Variants in EPS15L1 observed in about 807,000 individuals in gnomAD.
EPS15L1 encodes the protein epidermal growth factor receptor pathway substrate 15 like 1, also known as epidermal growth factor receptor substrate 15-like 1.
A neutral mutation model predicts 117.1 loss-of-function variants in EPS15L1; 43 were observed. That is an observed-to-expected ratio of 0.37 (90% CI 0.29 to 0.47). EPS15L1 has a LOEUF of 0.47. Among genes scored for constraint, EPS15L1 ranks in the 20% least tolerant of loss-of-function variants. EPS15L1 has a pLI of 0.99. For missense variants in EPS15L1, 981 were observed against 1,164.0 expected (o/e 0.84, Z 2.29); for synonymous variants, 459 against 470.5 (o/e 0.98, Z 0.32).
rs1323175200 is a variant in EPS15L1, at chr19:16,471,579, C to A, written c.33+334G>T. Among the ~76,000 whole-genome samples the A allele has an allele frequency of 6.6e-6, 1 of 152,212 alleles. No individual in the cohort carries two copies. The highest frequency in any genetic ancestry group is 1.9e-4 in the East Asian group (1 of 5,192). On this transcript the variant is annotated intron_variant, in intron 1 of 23. Coordinates refer to ENST00000455140, the MANE Select transcript of EPS15L1 (RefSeq NM_001258374.3). This position sits in a 1 kb window ranked among gnomAD's most constrained non-coding sequence, Gnocchi z 4.8. ...CGCCGCGCCGACAGAAACGCTCGCA[C>A]CCCTCGCCCACCCCTCCGGGATGCA...
chr19:16,445,588 A>C (rs934166460), intron 1 of EPS15L1, among the ~76,000 whole-genome samples: 3 of 152,132 alleles, frequency 2.0e-5, no homozygotes, highest in African/African-American at 7.2e-5. Context: ...AACTGAAGAC[A>C]CATGTTGCTA....
chr19:16,378,386 T>C (rs1339517401), intron 21 of EPS15L1, among the ~76,000 whole-genome samples: 2 of 152,024 alleles, frequency 1.3e-5, no homozygotes, highest in Admixed American at 6.5e-5. Flanking sequence ...AGCCTCCTGT[T>C]TCCAAGTCCT....
chr19:16,471,964 T>C lies in EPS15L1; in HGVS notation c.-19A>G, dbSNP rs1375695100. 1.6e-6 allele frequency: 2 copies of C among 1,281,084 alleles called. No individual in the cohort carries two copies. The highest frequency in any genetic ancestry group is 2.0e-6 in the Non-Finnish European group (2 of 1,015,406). 79.4% of individuals were successfully genotyped at this position (1,281,084 alleles called of 1,614,324 possible). On this transcript the variant is annotated 5_prime_UTR_variant, in exon 1 of 24. Coordinates refer to ENST00000455140, the MANE Select transcript of EPS15L1 (RefSeq NM_001258374.3). This position sits in a 1 kb window ranked among gnomAD's most constrained non-coding sequence, Gnocchi z 4.8. ...CCGCCATCTTCCCGCGGACTCGGGC[T>C]CCGAGCGCCGGGGGAACGGGGGCGG... is the stretch of plus-strand genomic sequence containing the variant.
rs2092483729 is a variant in EPS15L1, at chr19:16,392,222, G to C, written c.2103+82C>G. 9 of 1,531,378 alleles carry C rather than the reference G, an allele frequency of 5.9e-6. No individual in the cohort carries two copies. The East Asian group carries it at 2.0e-4, about 35-fold the overall frequency. 94.9% of individuals were successfully genotyped at this position (1,531,378 alleles called of 1,614,324 possible). ...CAGGCACCATGTACGCTCCACGAAG[G>C]GAAGGGGGCCTTCGGGAAGCGCCAC... On this transcript the variant is annotated intron_variant, in intron 19 of 23. Coordinates refer to ENST00000455140, the MANE Select transcript of EPS15L1 (RefSeq NM_001258374.3).
chr19:16,386,936 G>A (rs2092426035), intron 19 of EPS15L1, among the ~76,000 whole-genome samples: 1 of 152,180 alleles, frequency 6.6e-6, no homozygotes, highest in East Asian at 1.9e-4. Context: ...TACACAGAAC[G>A]CTCACCATGT....
chr19:16,413,039 G>A, intron 13 of EPS15L1: 1 of 735,292 alleles, frequency 1.4e-6, no homozygotes, highest in Non-Finnish European at 2.4e-6. Flanking sequence ...TGCAGAAACA[G>A]ACCCGCGCCG....
Position 16,425,257 on chromosome 19 carries a change from CG to C in EPS15L1, c.617del (p.Pro206ArgfsTer62). The C allele has an allele frequency of 1.9e-6, 1 of 537,074 alleles. No individual in the cohort carries two copies. The highest frequency in any genetic ancestry group is 3.4e-6 in the Non-Finnish European group (1 of 297,324). 33.3% of individuals were successfully genotyped at this position (537,074 alleles called of 1,614,324 possible). A position where few individuals can be genotyped will look rare whatever the true frequency, so the allele number is the denominator to read the frequency against. On this transcript the variant is annotated frameshift_variant, in exon 9 of 24. Coordinates refer to ENST00000455140, the MANE Select transcript of EPS15L1 (RefSeq NM_001258374.3). LOFTEE classifies it high-confidence loss of function. ...EKEPVPSALP[P>X]SLIPPSKRKK... ...TTCTCTTGGAGGGTGGGATGAGGGACGGGGGCAGGGCGGAGGGCACGGGCTC... is the reference window on the plus strand; with the variant it reads ...TTCTCTTGGAGGGTGGGATGAGGGACGGGGCAGGGCGGAGGGCACGGGCTC...
At chr19:16,437,974 G>T (rs935588478) in intron 4 of EPS15L1, 109 bp from the exon 5 acceptor site, 3 of 814,616 alleles carry the variant, frequency 3.7e-6, no homozygotes, top group African/African-American at 1.7e-5. Flanking sequence ...CTTCAACAAT[G>T]AAGGCCGTCC....
At chr19:16,407,079 T>C (rs1490735199) in intron 13 of EPS15L1, among the ~76,000 whole-genome samples, 1 of 152,210 alleles carries the variant, frequency 6.6e-6, no homozygotes, top group Non-Finnish European at 1.5e-5. Context: ...CCTCCTGAAC[T>C]GTGAGCAGTA....
chr19:16,392,224 A>G, intron 19 of EPS15L1, 80 bp downstream of exon 19: 1 of 1,532,768 alleles, frequency 6.5e-7, no homozygotes, highest in Non-Finnish European at 9.0e-7. Flanking sequence ...CCACGAAGGG[A>G]AGGGGGCCTT....
rs760681240 is a variant in EPS15L1 at position 16,428,669 on chromosome 19, T to C, written c.558+33A>G. 1.1e-5 allele frequency: 17 copies of C among 1,592,062 alleles called. No individual in the cohort carries two copies. In the African/African-American group the frequency reaches 1.3e-4, roughly 13 times the overall value. ...CCCTGCGCACTGCACATTTCCTTCC[T>C]GGGCTGGGTGGGGAGGAAACAGCAG... On this transcript the variant is annotated intron_variant, in intron 8 of 23. Transcript: ENST00000455140.
rs541226646 is a variant in EPS15L1 at position 16,464,591 on chromosome 19, T to C, written c.33+7322A>G. On this transcript the variant is annotated intron_variant, in intron 1 of 23. Transcript: ENST00000455140. ...AGCCGCATGTTTTGGCCCTTTGACC[T>C]AGACCTGCAGCCTCTCAGCTCTGGC... 3.3e-5 allele frequency among the ~76,000 whole-genome samples: 5 copies of C among 152,332 alleles called. No homozygotes were observed. The East Asian group carries it at 9.6e-4, about 29-fold the overall frequency.
At chr19:16,367,497 TAA>T (rs71178691) in intron 22 of EPS15L1, among the ~76,000 whole-genome samples, 2 of 65,310 alleles carry the variant, frequency 3.1e-5, no homozygotes, top group East Asian at 5.1e-4. Context: ...TATGTGCTGT[TAA>T]AAAAAAAAAA....
At chr19:16,375,134 T>C (rs1159658993) in intron 22 of EPS15L1, among the ~76,000 whole-genome samples, 1 of 152,194 alleles carries the variant, frequency 6.6e-6, no homozygotes, top group East Asian at 1.9e-4. Context: ...TGTCCACAGA[T>C]GCATATAAGC....
Position 16,460,907 on chromosome 19 carries a change from G to A in EPS15L1, c.33+11006C>T, listed in dbSNP as rs150548268. On this transcript the variant is annotated intron_variant, in intron 1 of 23. Coordinates refer to ENST00000455140, the MANE Select transcript of EPS15L1 (RefSeq NM_001258374.3). ...CTCAGTGTGAGGGCCTCATCATCAA[G>A]TTTTTTCGTGTTTCATCTTTCCCCT... Among the ~76,000 whole-genome samples, 324 of 152,304 alleles carry A rather than the reference G, an allele frequency of 2.1e-3. 2 individuals are homozygous for A. Among genetic ancestry groups the A allele is most frequent in the African/African-American group, 7.4e-3 (306 of 41,564 alleles).
intron 1 of EPS15L1, among the ~76,000 whole-genome samples, chr19:16,461,115 C>T (rs908398568): frequency 1.2e-4 from 18 of 150,962 alleles, no homozygotes; most frequent in African/African-American, 4.4e-4. Flanking sequence ...ACCATCCTGG[C>T]TAACACGGTG....
intron 23 of EPS15L1, among the ~76,000 whole-genome samples, chr19:16,359,926 T>C (rs879410118): frequency 3.3e-5 from 5 of 151,338 alleles, no homozygotes; most frequent in Non-Finnish European, 5.9e-5. Context: ...CAGGGCTGCA[T>C]CCAGGCCTGG....
In EPS15L1 at chr19:16,403,677, G is replaced by A. The variant is rs1230827651; in HGVS notation, c.1626+56C>T. On this transcript the variant is annotated intron_variant, in intron 15 of 23. Coordinates refer to ENST00000455140, the MANE Select transcript of EPS15L1 (RefSeq NM_001258374.3). ...AAGGAGTTCAGCAGTGGCAGCCTCG[G>A]CTCTTGGGGCTCGCTGGTCCCTGGC... 26 of 1,523,434 alleles carry A rather than the reference G, an allele frequency of 1.7e-5. No homozygotes were observed. In the South Asian group the frequency reaches 2.4e-4, roughly 14 times the overall value. The allele number at this position is 1,523,434 out of a possible 1,614,324, so 94.4% of individuals were successfully genotyped here.
intron 16 of EPS15L1, among the ~76,000 whole-genome samples, chr19:16,396,838 G>A (rs912624670): frequency 2.6e-5 from 4 of 151,964 alleles, no homozygotes; most frequent in Non-Finnish European, 4.4e-5. Flanking sequence ...GCTGCTGAGT[G>A]AAATCACAGT....
Sources: allele counts gnomAD v4.1 joint callset (sites outside exome capture counted in the v4.1 genomes callset), GRCh38; gene constraint gnomAD v4.1.1; non-coding constraint Gnocchi (gnomAD v3.1); transcripts MANE v1.5; gene names NCBI Gene and HGNC (gene_info 2026-07-23, HGNC 2026-07-21).